The following SRPRB variants were observed in gnomAD, a reference collection of about 807,000 sequenced individuals.
The protein encoded by SRPRB is SRP receptor subunit beta, also known as signal recognition particle receptor subunit beta.
SRPRB carries 20 observed loss-of-function variants against 31.9 expected under a neutral mutation model. That is an observed-to-expected ratio of 0.63 (90% CI 0.44 to 0.91). The LOEUF is 0.91. Ranked by LOEUF, SRPRB falls within the 40% of genes least tolerant of loss-of-function variation. SRPRB has a pLI of 0.00. For synonymous variants in SRPRB, 146 were observed against 132.8 expected (o/e 1.10, Z -0.68); for missense variants, 321 against 324.9 (o/e 0.99, Z 0.09).
rs763814760 is a variant in SRPRB at position 133,819,606 on chromosome 3, G to T, written c.656G>T (p.Ser219Ile). ...SAAPSTLDSS[S>I]TAPAQLGKKG... is the part of the protein sequence containing the mutation. ...GCCCCCAGCACACTGGACAGTTCCA[G>T]CACTGCCCCTGCTCAGCTGGGGAAG... is the stretch of plus-strand genomic sequence containing the variant. Residue 219 changes from serine to isoleucine, a missense_variant, in exon 7 of 7, where the codon AGC (serine) becomes ATC (isoleucine). Transcript: ENST00000678299. The T allele has an allele frequency of 6.2e-7, 1 of 1,614,076 alleles. No individual in the cohort carries two copies. Among genetic ancestry groups the T allele is most frequent in the Non-Finnish European group, 8.5e-7 (1 of 1,180,038 alleles).
In SRPRB at chr3:133,811,123, A is replaced by AGTCT; in HGVS notation, c.336_339dup (p.Thr114SerfsTer5). On this transcript the variant is annotated frameshift_variant, in exon 4 of 7. Transcript: ENST00000678299. LOFTEE classifies it high-confidence loss of function. ...TTATTGCTGCCATCCCCAGGGCAAT[A>AGTCT]GTCTGACCTTGATTGACCTTCCCGG... 1 of 1,614,170 alleles carries AGTCT rather than the reference A, an allele frequency of 6.2e-7. No individual in the cohort carries two copies. The highest frequency in any genetic ancestry group is 8.5e-7 in the Non-Finnish European group (1 of 1,179,996).
intron 3 of SRPRB, chr3:133,810,782 T>A (rs1935248435): frequency 4.7e-6 from 1 of 211,016 alleles, no homozygotes; most frequent in Non-Finnish European, 9.4e-6. Context: ...CACACTGGTT[T>A]ATCTCCCAAG....
chr3:133,808,746 C>G (rs1295525275), intron 3 of SRPRB, among the ~76,000 whole-genome samples: 2 of 151,544 alleles, frequency 1.3e-5, no homozygotes, highest in East Asian at 2.0e-4. Context: ...CAAAAATTAG[C>G]CGGGTGTGGT....
At chr3:133,825,140 T>C (rs73861223), downstream of SRPRB, 11,215 of 152,246 alleles carry the variant, frequency 0.074, 457 homozygotes, top group African/African-American at 0.084. Context: ...GGCTCAGACA[T>C]GCCTCACTGT....
rs544195604 is a variant in SRPRB, at chr3:133,817,011, T to C, written c.602+79T>C. On this transcript the variant is annotated intron_variant, in intron 6 of 6. Transcript: ENST00000678299. Reference sequence around the variant, plus strand: ...AAGCAGCATATTCATGTTTCTTTTGTTTGGTTTTATGTGATTATCACAATT... The same window carrying C: ...AAGCAGCATATTCATGTTTCTTTTGCTTGGTTTTATGTGATTATCACAATT... 490 of 1,167,320 alleles carry C rather than the reference T, an allele frequency of 4.2e-4. 2 individuals are homozygous for C. The South Asian group carries it at 8.0e-3, about 19-fold the overall frequency. 72.3% of individuals were successfully genotyped at this position (1,167,320 alleles called of 1,614,324 possible).
rs771227007 is a variant in SRPRB at position 133,805,833 on chromosome 3, A to G, written c.-16A>G. 3.2e-5 allele frequency: 52 copies of G among 1,600,104 alleles called. No homozygotes were observed. Among genetic ancestry groups the G allele is most frequent in the Non-Finnish European group, 8.5e-7 (1 of 1,173,552 alleles). On this transcript the variant is annotated 5_prime_UTR_variant, in exon 1 of 7. Transcript: ENST00000678299. The stretch of plus-strand genomic sequence containing the variant: ...CCACGTCGCTTTTGCTGTACCGGGG[A>G]CCACGCGTCTCATCCATGGCTTCCG...
chr3:133,786,589 T>C (rs1169039443), intron 1 of SRPRB: 1 of 152,254 alleles, frequency 6.6e-6, no homozygotes, highest in African/African-American at 2.4e-5. Flanking sequence ...TCTTTCTAGA[T>C]GTTAAAGAGG....
upstream of SRPRB, among the ~76,000 whole-genome samples, chr3:133,805,415 G>C (rs935613998): frequency 2.0e-5 from 3 of 151,904 alleles, no homozygotes; most frequent in Non-Finnish European, 4.4e-5. Flanking sequence ...TTCCCACATC[G>C]CTCCGTACAT....
At chr3:133,827,221 C>T (rs1253619529), downstream of SRPRB, 1 of 152,232 alleles carries the variant, frequency 6.6e-6, no homozygotes, top group Non-Finnish European at 1.5e-5. Context: ...TTCCAACGAC[C>T]TTGTGGAGTT....
upstream of SRPRB, among the ~76,000 whole-genome samples, chr3:133,802,185 A>C (rs1240491041): frequency 6.6e-6 from 1 of 152,198 alleles, no homozygotes; most frequent in Non-Finnish European, 1.5e-5. Flanking sequence ...CAGGAGGATC[A>C]CTTGAGCCCA....
intron 4 of SRPRB, among the ~76,000 whole-genome samples, chr3:133,812,342 CA>C (rs1935278055): frequency 6.6e-6 from 1 of 152,186 alleles, no homozygotes; most frequent in Non-Finnish European, 1.5e-5. Context: ...ATTCCTTGGA[CA>C]ATTGAGACAA....
At chr3:133,828,126 G>A (rs1002206292), downstream of SRPRB, 15 of 628,890 alleles carry the variant, frequency 2.4e-5, no homozygotes, top group East Asian at 2.2e-4. Context: ...GGCTGCTGCC[G>A]GGCTGCCTAG....
intron 1 of SRPRB, chr3:133,789,166 T>G (rs1164212463): frequency 6.6e-6 from 1 of 152,290 alleles, no homozygotes; most frequent in Non-Finnish European, 1.5e-5. Flanking sequence ...TGGCAGCAGT[T>G]CTAAGGACTA....
At chr3:133,806,560 C>A in intron 1 of SRPRB, 49 bp from the exon 2 acceptor site, 1 of 1,481,178 alleles carries the variant, frequency 6.8e-7, no homozygotes, top group Non-Finnish European at 9.4e-7. Context: ...TGCACATATA[C>A]TGATTCCCAA....
chr3:133,787,640 T>C (rs557468330), intron 1 of SRPRB: 1 of 152,348 alleles, frequency 6.6e-6, no homozygotes, highest in East Asian at 1.9e-4. Flanking sequence ...ACAGTGTTAC[T>C]TGTTCATTCA....
intron 6 of SRPRB, among the ~76,000 whole-genome samples, chr3:133,819,050 G>A (rs1935418220): frequency 6.6e-6 from 1 of 152,042 alleles, no homozygotes; most frequent in Admixed American, 6.5e-5. Context: ...ACATTGGGAA[G>A]GTTTTGGTGG....
downstream of SRPRB, among the ~76,000 whole-genome samples, chr3:133,822,575 C>T (rs1302211825): frequency 2.0e-5 from 3 of 152,238 alleles, no homozygotes; most frequent in African/African-American, 7.2e-5. Context: ...TCTGTCACTT[C>T]TTCCCACTGC....
At chr3:133,799,529 A>C (rs1935032185) in intron 1 of SRPRB, among the ~76,000 whole-genome samples, 1 of 152,210 alleles carries the variant, frequency 6.6e-6, no homozygotes, top group African/African-American at 2.4e-5. Context: ...ACAGAGAAAA[A>C]AATAATTATT....
Position 133,815,590 on chromosome 3 carries a change from G to A in SRPRB, c.411G>A (p.Arg137=), listed in dbSNP as rs780250668. The A allele has an allele frequency of 1.9e-6, 3 of 1,613,402 alleles. No individual in the cohort carries two copies. The Admixed American group carries it at 5.0e-5, about 27-fold the overall frequency. ...QFLERFKSSA[R]AIVFVVDSAA... is the part of the protein sequence containing the mutation. ...AGTTTTTCTTGTTTTCTCCCTCCAGGGCTATTGTGTTTGTTGTGGATAGTG... is the reference window on the plus strand; with the variant it reads ...AGTTTTTCTTGTTTTCTCCCTCCAGAGCTATTGTGTTTGTTGTGGATAGTG... The change falls in exon 5 of 7, where the codon AGG becomes AGA. Residue 137 remains arginine (R), a splice_region_variant and synonymous_variant. Transcript: ENST00000678299.
Sources: gnomAD v4.1 joint callset for allele counts (sites outside exome capture counted in the v4.1 genomes callset) on GRCh38, gnomAD v4.1.1 for gene constraint, MANE v1.5 for transcripts, NCBI Gene and HGNC (gene_info 2026-07-23, HGNC 2026-07-21) for gene names.